LGALS3: variants seen among roughly 807,000 people sequenced by gnomAD.
LGALS3 encodes galectin 3.
A neutral mutation model predicts 20.7 loss-of-function variants in LGALS3; 18 were observed. The ratio of observed to expected loss-of-function variants is 0.87; its 90% CI spans 0.60 to 1.29. The LOEUF (loss-of-function observed/expected upper bound fraction) is 1.29, where lower values mean the gene tolerates loss of function less well. Among genes scored for constraint, LGALS3 ranks in the 50% most tolerant of loss-of-function variants. The pLI is 0.00. For missense variants in LGALS3, 315 were observed against 314.7 expected, an observed-to-expected ratio of 1.00 and a Z score of -0.01; for synonymous variants, 112 against 119.6, an observed-to-expected ratio of 0.94 and a Z score of 0.42.
chr14:55,135,165 A>G (rs889802288), intron 1 of LGALS3, among the ~76,000 whole-genome samples: 5 of 151,856 alleles, frequency 3.3e-5, no homozygotes, highest in Non-Finnish European at 7.4e-5. Flanking sequence ...AAAAAAAAAA[A>G]AGATGTGCAA....
chr14:55,130,959 C>A (rs1018105055), intron 1 of LGALS3, among the ~76,000 whole-genome samples: 4 of 152,166 alleles, frequency 2.6e-5, no homozygotes, highest in African/African-American at 9.7e-5. Flanking sequence ...TACTTTTCTA[C>A]AACAATAGTC....
chr14:55,143,143 T>C (rs1335648361), intron 5 of LGALS3, among the ~76,000 whole-genome samples: 1 of 152,196 alleles, frequency 6.6e-6, no homozygotes, highest in Non-Finnish European at 1.5e-5. Flanking sequence ...TTATGAAAAG[T>C]TTATAAATTT....
intron 1 of LGALS3, among the ~76,000 whole-genome samples, chr14:55,132,863 G>A (rs1341719939): frequency 1.3e-5 from 2 of 152,104 alleles, no homozygotes; most frequent in Non-Finnish European, 2.9e-5. Flanking sequence ...CACTGCACTC[G>A]GCCTATAATG....
At chr14:55,142,795 G>A (rs1881675604) in intron 5 of LGALS3, 46 bp downstream of exon 5, 8 of 1,487,126 alleles carry the variant, frequency 5.4e-6, no homozygotes, top group Non-Finnish European at 7.5e-6. Context: ...TATTTCTCAT[G>A]AGGAATCACT....
intron 1 of LGALS3, among the ~76,000 whole-genome samples, chr14:55,133,328 C>A (rs1881287220): frequency 6.6e-6 from 1 of 152,184 alleles, no homozygotes; most frequent in Non-Finnish European, 1.5e-5. Flanking sequence ...GGTGAGAACA[C>A]AGTAGTCTCC....
rs370981249 is a variant in LGALS3 at position 55,138,044 on chromosome 14, G to C, written c.19-1G>C. 2 of 1,493,112 alleles carry C rather than the reference G, an allele frequency of 1.3e-6. No individual in the cohort carries two copies. The highest frequency in any genetic ancestry group is 1.8e-6 in the Non-Finnish European group (2 of 1,121,424). The allele number at this position is 1,493,112 out of a possible 1,614,324, so 92.5% of individuals were successfully genotyped here. On this transcript the variant is annotated splice_acceptor_variant, in intron 2 of 5. Transcript: ENST00000254301. LOFTEE classifies it high-confidence loss of function. The stretch of plus-strand genomic sequence containing the variant: ...GTAATTGTGTATGTCTTTCTTTCCA[G>C]CTCCATGATGCGTTATCTGGGTCTG...
chr14:55,140,256 T>C lies in LGALS3; in HGVS notation c.343-19T>C, dbSNP rs376382609. On this transcript the variant is annotated intron_variant, in intron 3 of 5. Transcript: ENST00000254301. The stretch of plus-strand genomic sequence containing the variant: ...AAACATGACTCCTTATTGACACATA[T>C]GTACTTGTTAATTCCCAGATTGTGC... 4.6e-6 allele frequency: 7 copies of C among 1,534,690 alleles called. No individual in the cohort carries two copies. Among genetic ancestry groups the C allele is most frequent in the South Asian group, 1.1e-5 (1 of 88,930 alleles).
In LGALS3 at chr14:55,142,679, AGCTG is replaced by A; in HGVS notation, c.529_532del (p.Leu177IlefsTer36). 6.2e-7 allele frequency: 1 copy of A among 1,614,010 alleles called. No homozygotes were observed. The highest frequency in any genetic ancestry group is 8.5e-7 in the Non-Finnish European group (1 of 1,179,862). ...AGGAGAGTCATTGTTTGCAATACAA[AGCTG>A]GATAATAACTGGGGAAGGGAAGAAA... On this transcript the variant is annotated frameshift_variant, in exon 5 of 6. Transcript: ENST00000254301. LOFTEE classifies it high-confidence loss of function.
chr14:55,129,811 G>A lies in LGALS3; in HGVS notation c.-5+511G>A, dbSNP rs900854361. The stretch of plus-strand genomic sequence containing the variant: ...CCTTCCCCAGATCACGGCCGCGGGG[G>A]AGCGAAGGGACTTCCCAGGACTGCA... On this transcript the variant is annotated intron_variant, in intron 1 of 5. Coordinates refer to ENST00000254301, the MANE Select transcript of LGALS3 (RefSeq NM_002306.4). The surrounding 1 kb of genome is among the most constrained non-coding windows in gnomAD (Gnocchi z 5.3). Among the ~76,000 whole-genome samples the A allele has an allele frequency of 9.9e-5, 15 of 152,244 alleles. No homozygotes were observed. The highest frequency in any genetic ancestry group is 1.9e-4 in the Non-Finnish European group (13 of 68,042).
rs529552170 is a variant in LGALS3, at chr14:55,138,986, T to C, written c.342+618T>C. ...CCAGATTTATAATCTAGTTGGATGATAAAACATATAATAAATATGAGGAAA... is the reference window on the plus strand; with the variant it reads ...CCAGATTTATAATCTAGTTGGATGACAAAACATATAATAAATATGAGGAAA... On this transcript the variant is annotated intron_variant, in intron 3 of 5. Coordinates refer to ENST00000254301, the MANE Select transcript of LGALS3 (RefSeq NM_002306.4). 7.2e-5 allele frequency among the ~76,000 whole-genome samples: 11 copies of C among 152,302 alleles called. No homozygotes were observed. In the South Asian group the frequency reaches 2.3e-3, roughly 32 times the overall value.
rs141732289 is a variant in LGALS3, at chr14:55,136,262, C to A, written c.-4-1108C>A. Among the ~76,000 whole-genome samples, 1,115 of 151,968 alleles carry A rather than the reference C, an allele frequency of 7.3e-3. 9 individuals are homozygous for A. Among genetic ancestry groups the A allele is most frequent in the Non-Finnish European group, 0.013 (883 of 67,970 alleles). On this transcript the variant is annotated intron_variant, in intron 1 of 5. Transcript: ENST00000254301. ...CGTCACGTTGCCTGAATTTTTTCAC[C>A]TTAGTTTGTTGTACTGCCAAATATT...
chr14:55,144,810 C>T (rs145357316), intron 5 of LGALS3, among the ~76,000 whole-genome samples: 2,832 of 152,168 alleles, frequency 0.019, 83 homozygotes, highest in African/African-American at 0.061. Flanking sequence ...GTGATCCACC[C>T]GCCTCAGCCT....
At chr14:55,137,207 C>T in intron 1 of LGALS3, 163 bp from the exon 2 acceptor site, 1 of 739,194 alleles carries the variant, frequency 1.4e-6, no homozygotes, top group Admixed American at 2.0e-5. Flanking sequence ...AGCTGGATAG[C>T]ATCCCTGCCC....
intron 3 of LGALS3, 92 bp downstream of exon 3, chr14:55,138,460 A>C: frequency 7.4e-7 from 1 of 1,353,484 alleles, no homozygotes; most frequent in Non-Finnish European, 1.0e-6. Context: ...GCCACTTCTC[A>C]AGGGCCAGCC....
At position 55,138,313 on chromosome 14, in the gene LGALS3, G is replaced by A. The variant is rs1241152498; in HGVS notation, c.287G>A (p.Ser96Asn). The change falls in exon 3 of 6, where the codon AGT becomes AAT. Residue 96 changes from serine (S) to asparagine (N), a missense_variant. Transcript: ENST00000254301. ...GCCTACCCATCTTCTGGACAGCCAA[G>A]TGCCACCGGAGCCTACCCTGCCACT... The part of the protein sequence containing the change: ...PGAYPSSGQP[S>N]ATGAYPATGP... The A allele has an allele frequency of 1.9e-6, 3 of 1,612,512 alleles. No individual in the cohort carries two copies. The highest frequency in any genetic ancestry group is 2.5e-6 in the Non-Finnish European group (3 of 1,179,762).
At chr14:55,139,328 C>T (rs1166183585) in intron 3 of LGALS3, among the ~76,000 whole-genome samples, 2 of 152,142 alleles carry the variant, frequency 1.3e-5, no homozygotes, top group Non-Finnish European at 2.9e-5. Flanking sequence ...TTAGCCCAAA[C>T]TGGGAACTCA....
intron 1 of LGALS3, among the ~76,000 whole-genome samples, chr14:55,131,108 CT>C (rs1881219942): frequency 6.6e-6 from 1 of 152,174 alleles, no homozygotes; most frequent in African/African-American, 2.4e-5. Context: ...AAAATCAGCA[CT>C]TAGTCCAGAT....
intron 1 of LGALS3, among the ~76,000 whole-genome samples, chr14:55,133,040 GT>G (rs1486562231): frequency 3.9e-5 from 6 of 152,146 alleles, no homozygotes; most frequent in Middle Eastern, 3.2e-3. Flanking sequence ...GAATCACCCA[GT>G]TAGTTTTCTG....
intron 4 of LGALS3, among the ~76,000 whole-genome samples, chr14:55,141,651 T>C (rs1881627482): frequency 6.6e-6 from 1 of 152,150 alleles, no homozygotes. Flanking sequence ...TATGACGAAC[T>C]GTGTAGAAAA....
Sources: allele counts gnomAD v4.1 joint callset (sites outside exome capture counted in the v4.1 genomes callset), GRCh38; gene constraint gnomAD v4.1.1; non-coding constraint Gnocchi (gnomAD v3.1); transcripts MANE v1.5; gene names NCBI Gene and HGNC (gene_info 2026-07-23, HGNC 2026-07-21).